The following FAM222B variants were observed in gnomAD, a reference collection of about 807,000 sequenced individuals.
FAM222B encodes the protein protein FAM222B.
Under a neutral mutation model 38.0 loss-of-function variants are expected in FAM222B, and 12 were observed. The ratio of observed to expected loss-of-function variants is 0.32; its 90% CI spans 0.20 to 0.51. The LOEUF is 0.51. FAM222B is among the 20% of genes least tolerant of loss of function. The pLI is 0.97. For missense variants in FAM222B, 716 were observed against 754.2 expected (o/e 0.95, Z 0.59); for synonymous variants, 329 against 317.2 (o/e 1.04, Z -0.40).
At chr17:28,821,660 T>C (rs963082498) in intron 1 of FAM222B, among the ~76,000 whole-genome samples, 4 of 152,150 alleles carry the variant, frequency 2.6e-5, no homozygotes, top group Non-Finnish European at 5.9e-5. Flanking sequence ...TAGGAGTCCA[T>C]ATAAAATAAT....
At chr17:28,778,697 G>GTATATATATATATATATA (rs1204895077) in intron 1 of FAM222B, among the ~76,000 whole-genome samples, 9 of 45,338 alleles carry the variant, frequency 2.0e-4, no homozygotes, top group Non-Finnish European at 2.8e-4. Flanking sequence ...GTGTGTGTGT[G>GTATATATATATATATATA]TATATATATA....
chr17:28,817,496 G>T (rs1181700748), intron 1 of FAM222B, among the ~76,000 whole-genome samples: 1 of 151,994 alleles, frequency 6.6e-6, no homozygotes, highest in African/African-American at 2.4e-5. Flanking sequence ...GGCCGAGGCT[G>T]GACTACCTGA....
At chr17:28,775,890 AAAC>A (rs1330171759) in intron 1 of FAM222B, among the ~76,000 whole-genome samples, 1 of 151,224 alleles carries the variant, frequency 6.6e-6, no homozygotes, top group Non-Finnish European at 1.5e-5. Flanking sequence ...CCAAAAAAAA[AAAC>A]AAAAACAAAA....
chr17:28,845,950 T>C (rs2039142488), upstream of FAM222B, among the ~76,000 whole-genome samples: 1 of 150,100 alleles, frequency 6.7e-6, no homozygotes, highest in African/African-American at 2.5e-5. Context: ...ACGCCTGTAA[T>C]CTCAGCACTT....
chr17:28,771,095 G>A (rs1313884061), intron 1 of FAM222B, among the ~76,000 whole-genome samples: 4 of 151,488 alleles, frequency 2.6e-5, no homozygotes, highest in Admixed American at 1.3e-4. Context: ...GGGAAAGATA[G>A]GTAAATGAAA....
intron 1 of FAM222B, among the ~76,000 whole-genome samples, chr17:28,793,019 C>T (rs572515286): frequency 2.0e-5 from 3 of 151,992 alleles, no homozygotes; most frequent in African/African-American, 7.2e-5. Flanking sequence ...CTGGGCTCAA[C>T]TGCTCCCACC....
At position 28,769,772 on chromosome 17, in the gene FAM222B, C is replaced by T. The variant is rs139626721; in HGVS notation, c.-40-3065G>A. ...CTCTTGCTGACTTACTTCCAGCCAC[C>T]ATGGTCTCACCATGGTTTCCCTGCA... is the stretch of plus-strand genomic sequence containing the variant. On this transcript the variant is annotated intron_variant, in intron 1 of 2. Transcript: ENST00000581407. 6.4e-3 allele frequency among the ~76,000 whole-genome samples: 976 copies of T among 152,292 alleles called. 5 individuals are homozygous for T. The highest frequency in any genetic ancestry group is 0.022 in the Admixed American group (342 of 15,296).
At chr17:28,816,712 G>T (rs2038039174) in intron 1 of FAM222B, among the ~76,000 whole-genome samples, 1 of 152,020 alleles carries the variant, frequency 6.6e-6, no homozygotes, top group Non-Finnish European at 1.5e-5. Context: ...ATAAAGAACT[G>T]CTACGTCATA....
At chr17:28,809,940 T>C (rs1176984091) in intron 1 of FAM222B, among the ~76,000 whole-genome samples, 1 of 152,168 alleles carries the variant, frequency 6.6e-6, no homozygotes, top group African/African-American at 2.4e-5. Context: ...AAGGGCAAAC[T>C]TGTTTTTTGA....
chr17:28,811,592 C>T (rs966834445), intron 1 of FAM222B, among the ~76,000 whole-genome samples: 1 of 152,148 alleles, frequency 6.6e-6, no homozygotes, highest in Non-Finnish European at 1.5e-5. Flanking sequence ...AAAGATAAGA[C>T]TTTTAAGTTT....
chr17:28,779,736 G>A lies in FAM222B; in HGVS notation c.-40-13029C>T, dbSNP rs2036079869. ...ACTGCTCTCTGGCCTGGGCGACAGA[G>A]CGAGACTCCGTCTCAAAATAAATAA... On this transcript the variant is annotated intron_variant, in intron 1 of 2. Coordinates refer to ENST00000581407, the MANE Select transcript of FAM222B (RefSeq NM_001077498.3). Among the ~76,000 whole-genome samples the A allele has an allele frequency of 1.3e-4, 19 of 150,776 alleles. No individual in the cohort carries two copies. The Admixed American group carries it at 1.3e-3, about 10-fold the overall frequency.
intron 1 of FAM222B, among the ~76,000 whole-genome samples, chr17:28,790,716 T>TTTGACAGTTGTATTGTGGTAAAG (rs2036620669): frequency 6.6e-6 from 1 of 152,130 alleles, no homozygotes. Context: ...CTTTCCTGAT[T>TTTGACAGTTGTATTGTGGTAAAG]TTGACAGTTG....
intron 1 of FAM222B, among the ~76,000 whole-genome samples, chr17:28,823,539 C>A (rs1327590133): frequency 2.6e-5 from 4 of 152,300 alleles, no homozygotes; most frequent in African/African-American, 9.6e-5. Context: ...TGTGCCACCA[C>A]AAACAGCTAA....
Position 28,771,072 on chromosome 17 carries a change from C to T in FAM222B, c.-40-4365G>A, listed in dbSNP as rs544919250. Among the ~76,000 whole-genome samples, 14 of 149,684 alleles carry T rather than the reference C, an allele frequency of 9.4e-5. No homozygotes were observed. In the South Asian group the frequency reaches 1.5e-3, roughly 16 times the overall value. On this transcript the variant is annotated intron_variant, in intron 1 of 2. Coordinates refer to ENST00000581407, the MANE Select transcript of FAM222B (RefSeq NM_001077498.3). ...GCTCCCTAGCTAGTAAGAGTCCCATCTTGGCCTTCTAAGGGAAAGATAGGT... is the reference window on the plus strand; with the variant it reads ...GCTCCCTAGCTAGTAAGAGTCCCATTTTGGCCTTCTAAGGGAAAGATAGGT...
At chr17:28,789,956 G>A (rs1447165196) in intron 1 of FAM222B, among the ~76,000 whole-genome samples, 6 of 152,192 alleles carry the variant, frequency 3.9e-5, no homozygotes, top group Non-Finnish European at 1.5e-5. Context: ...GAATACAACA[G>A]TTGTGAATTT....
chr17:28,816,492 C>T (rs912036053), intron 1 of FAM222B, among the ~76,000 whole-genome samples: 2 of 151,818 alleles, frequency 1.3e-5, no homozygotes, highest in African/African-American at 2.4e-5. Context: ...GATCAGTTTG[C>T]ACCTCATTAT....
chr17:28,811,894 C>G (rs374326431), intron 1 of FAM222B, among the ~76,000 whole-genome samples: 1 of 152,200 alleles, frequency 6.6e-6, no homozygotes, highest in African/African-American at 2.4e-5. Context: ...CCACTCCTAG[C>G]TTGCCTTTTC....
intron 2 of FAM222B, among the ~76,000 whole-genome samples, chr17:28,765,199 C>T (rs369083254): frequency 1.3e-5 from 2 of 152,316 alleles, no homozygotes; most frequent in African/African-American, 4.8e-5. Flanking sequence ...GAGTCTTACG[C>T]TCTCTCAAAG....
intron 1 of FAM222B, among the ~76,000 whole-genome samples, chr17:28,797,288 G>A (rs1254645847): frequency 1.3e-5 from 2 of 152,054 alleles, no homozygotes; most frequent in South Asian, 2.1e-4. Flanking sequence ...GAGCCACAGC[G>A]GCTGGCTGGC....
Sources: allele counts gnomAD v4.1 joint callset (sites outside exome capture counted in the v4.1 genomes callset), GRCh38; gene constraint gnomAD v4.1.1; transcripts MANE v1.5; gene names NCBI Gene and HGNC (gene_info 2026-07-23, HGNC 2026-07-21).